DYRK1A: variants seen among roughly 807,000 people sequenced by gnomAD.
DYRK1A encodes the protein dual specificity tyrosine-phosphorylation-regulated kinase 1A.
In DYRK1A, 9 loss-of-function variants were observed where a neutral mutation model predicts 79.7. The observed-to-expected ratio is 0.11, with a 90% CI of 0.07 to 0.20. DYRK1A has a LOEUF of 0.20. DYRK1A is among the 10% of genes least tolerant of loss of function. The pLI is 1.00. For synonymous variants in DYRK1A, 349 were observed against 329.7 expected (o/e 1.06, Z -0.63); for missense variants, 622 against 956.0 (o/e 0.65, Z 4.61).
At chr21:37,373,103 T>C (rs11911926) in intron 1 of DYRK1A, among the ~76,000 whole-genome samples, 6,221 of 152,260 alleles carry the variant, frequency 0.041, 451 homozygotes, top group African/African-American at 0.14. Context: ...ATGCGGAACC[T>C]GTATGTTGAA....
At chr21:37,452,070 A>G (rs1209476199) in intron 2 of DYRK1A, among the ~76,000 whole-genome samples, 1 of 152,040 alleles carries the variant, frequency 6.6e-6, no homozygotes, top group Non-Finnish European at 1.5e-5. Context: ...GGTGGGAAAT[A>G]AGACGAGAGG....
chr21:37,459,232 G>T (rs902855756), intron 2 of DYRK1A, among the ~76,000 whole-genome samples: 1 of 152,196 alleles, frequency 6.6e-6, no homozygotes, highest in African/African-American at 2.4e-5. Context: ...TTGCTTGAAA[G>T]AATTAGTTCC....
At chr21:37,466,611 G>A (rs959961252) in intron 2 of DYRK1A, among the ~76,000 whole-genome samples, 39 of 152,130 alleles carry the variant, frequency 2.6e-4, no homozygotes, top group African/African-American at 8.9e-4. Context: ...AAGGCTTGGT[G>A]TAGTCAGACT....
chr21:37,450,982 C>T (rs1452484598), intron 2 of DYRK1A, among the ~76,000 whole-genome samples: 10 of 152,162 alleles, frequency 6.6e-5, no homozygotes, highest in Non-Finnish European at 1.3e-4. Flanking sequence ...AATCCTATCA[C>T]CTAGTGATGT....
intron 1 of DYRK1A, among the ~76,000 whole-genome samples, chr21:37,405,389 A>G (rs1436131307): frequency 2.0e-5 from 3 of 152,176 alleles, no homozygotes; most frequent in Admixed American, 6.5e-5. Flanking sequence ...TTCTTCAACT[A>G]TAGGGAGCGA....
At chr21:37,488,320 C>T in intron 6 of DYRK1A, 1 of 964,686 alleles carries the variant, frequency 1.0e-6, no homozygotes, top group African/African-American at 1.8e-5. Context: ...TAGACAAGTT[C>T]ATATCAATTG....
chr21:37,490,862 T>C (rs2053067925), intron 7 of DYRK1A, among the ~76,000 whole-genome samples: 1 of 152,052 alleles, frequency 6.6e-6, no homozygotes, highest in Non-Finnish European at 1.5e-5. Flanking sequence ...TGATTAAATA[T>C]TAGGGGATTT....
At position 37,490,201 on chromosome 21, in the gene DYRK1A, C is replaced by T. The variant is rs780441716; in HGVS notation, c.664C>T (p.Arg222Ter). 6.2e-7 allele frequency: 1 copy of T among 1,613,042 alleles called. No individual in the cohort carries two copies. Among genetic ancestry groups the T allele is most frequent in the Non-Finnish European group, 8.5e-7 (1 of 1,179,326 alleles). The change falls in exon 7 of 12, where the codon CGA becomes TGA. Residue 222 changes from arginine (R) to a stop codon, truncating the protein, a stop_gained. Transcript: ENST00000647188. LOFTEE classifies it high-confidence loss of function. ...IVHLKRHFMFRNHLCLVFEML... is the reference protein window; with the variant it reads ...IVHLKRHFMF ...GCATTTGAAACGCCACTTTATGTTT[C>T]GAAACCATCTCTGTTTAGTTTTTGA...
At position 37,480,563 on chromosome 21, in the gene DYRK1A, G is replaced by T. The variant is rs1214108612; in HGVS notation, c.301-75G>T. 10 of 1,188,286 alleles carry T rather than the reference G, an allele frequency of 8.4e-6. No individual in the cohort carries two copies. The East Asian group carries it at 2.2e-4, about 26-fold the overall frequency. 73.6% of individuals were successfully genotyped at this position (1,188,286 alleles called of 1,614,324 possible). On this transcript the variant is annotated intron_variant, in intron 4 of 11. Transcript: ENST00000647188. ...TGTCAACTGTAGAAAATAGGTGTGTGTCAATATACTCTGATAATGCCCTTC... is the reference window on the plus strand; with the variant it reads ...TGTCAACTGTAGAAAATAGGTGTGTTTCAATATACTCTGATAATGCCCTTC...
At chr21:37,476,050 G>A (rs1301761414) in intron 3 of DYRK1A, among the ~76,000 whole-genome samples, 1 of 152,302 alleles carries the variant, frequency 6.6e-6, no homozygotes, top group South Asian at 2.1e-4. Flanking sequence ...GACTAGAGGC[G>A]TAACATTGAT....
chr21:37,453,906 A>G (rs1283372142), intron 2 of DYRK1A, among the ~76,000 whole-genome samples: 1 of 152,096 alleles, frequency 6.6e-6, no homozygotes, highest in East Asian at 1.9e-4. Flanking sequence ...AGTACTTTCT[A>G]TACTAAAAAT....
At chr21:37,481,322 G>T (rs1157430913) in intron 5 of DYRK1A, 1 of 152,286 alleles carries the variant, frequency 6.6e-6, no homozygotes, top group Non-Finnish European at 1.5e-5. Flanking sequence ...CTCTAAGCAG[G>T]CAGGCAGTCT....
Position 37,370,772 on chromosome 21 carries a change from T to C in DYRK1A, c.-77+3144T>C, listed in dbSNP as rs188555749. Among the ~76,000 whole-genome samples the C allele has an allele frequency of 1.5e-3, 226 of 152,354 alleles. 1 individual carries two copies. The highest frequency in any genetic ancestry group is 2.2e-4 in the Non-Finnish European group (15 of 68,030). On this transcript the variant is annotated intron_variant, in intron 1 of 11. Transcript: ENST00000647188. ...GAATCTTTACTTTCTGTTGAGTGTT[T>C]TGGTGATTTTACCTCCATATATGTT...
chr21:37,482,623 T>A (rs577880929), intron 5 of DYRK1A, among the ~76,000 whole-genome samples: 1 of 152,178 alleles, frequency 6.6e-6, no homozygotes, highest in African/African-American at 2.4e-5. Flanking sequence ...TAACATCTTA[T>A]CAGGAGACAG....
At chr21:37,502,954 T>C (rs1389358112) in intron 9 of DYRK1A, 2 of 152,228 alleles carry the variant, frequency 1.3e-5, no homozygotes, top group Non-Finnish European at 2.9e-5. Flanking sequence ...TGACTTTTTT[T>C]CTGGATTACA....
chr21:37,482,034 T>A (rs2052661486), intron 5 of DYRK1A, among the ~76,000 whole-genome samples: 1 of 152,194 alleles, frequency 6.6e-6, no homozygotes, highest in South Asian at 2.1e-4. Flanking sequence ...GTCCAAACTT[T>A]TGACTTTTCG....
At chr21:37,446,093 G>T (rs911156878) in intron 2 of DYRK1A, among the ~76,000 whole-genome samples, 1 of 145,200 alleles carries the variant, frequency 6.9e-6, no homozygotes, top group Non-Finnish European at 1.5e-5. Flanking sequence ...AGAAGTGAAC[G>T]CAGTGATGTG....
At chr21:37,396,645 C>T (rs1334794776) in intron 1 of DYRK1A, among the ~76,000 whole-genome samples, 2 of 151,952 alleles carry the variant, frequency 1.3e-5, no homozygotes, top group African/African-American at 4.8e-5. Context: ...ATTCTTACTA[C>T]CTACCATGTT....
chr21:37,393,590 T>C (rs144197992), intron 1 of DYRK1A, among the ~76,000 whole-genome samples: 166 of 152,368 alleles, frequency 1.1e-3, no homozygotes, highest in African/African-American at 3.9e-3. Context: ...AGAATGTTTA[T>C]TTTGAAACAT....
Sources: gnomAD v4.1 joint callset for allele counts (sites outside exome capture counted in the v4.1 genomes callset) on GRCh38, gnomAD v4.1.1 for gene constraint, MANE v1.5 for transcripts, NCBI Gene and HGNC (gene_info 2026-07-23, HGNC 2026-07-21) for gene names.